Variants in OPCML observed in about 807,000 individuals in gnomAD.
OPCML encodes opioid-binding protein/cell adhesion molecule.
OPCML carries 13 observed loss-of-function variants against 37.8 expected under a neutral mutation model. The observed-to-expected ratio is 0.34, with a 90% CI of 0.22 to 0.55. The LOEUF (loss-of-function observed/expected upper bound fraction) is 0.55. Ranked by LOEUF, OPCML falls within the 20% of genes least tolerant of loss-of-function variation. OPCML has a pLI of 0.91. For synonymous variants in OPCML, 176 were observed against 168.8 expected, an observed-to-expected ratio of 1.04 and a Z score of -0.33; for missense variants, 341 against 435.6, an observed-to-expected ratio of 0.78 and a Z score of 1.93.
chr11:133,329,784 A>G (rs983864021), intron 1 of OPCML, among the ~76,000 whole-genome samples: 1 of 152,244 alleles, frequency 6.6e-6, no homozygotes, highest in African/African-American at 2.4e-5. Flanking sequence ...ATGGGCAAGG[A>G]CTTCATGTCT....
At chr11:132,599,357 G>C (rs1467283875) in intron 3 of OPCML, among the ~76,000 whole-genome samples, 1 of 127,776 alleles carries the variant, frequency 7.8e-6, no homozygotes, top group East Asian at 2.6e-4. Flanking sequence ...GAAGAAGGAG[G>C]AGAAGGAGGA....
At chr11:133,077,189 G>A (rs894729554) in intron 1 of OPCML, among the ~76,000 whole-genome samples, 5 of 151,842 alleles carry the variant, frequency 3.3e-5, no homozygotes, top group Admixed American at 3.3e-4. Flanking sequence ...AACCCTGCCT[G>A]GATATCAGGA....
At chr11:132,925,368 T>G (rs1451681669) in intron 2 of OPCML, among the ~76,000 whole-genome samples, 1 of 152,232 alleles carries the variant, frequency 6.6e-6, no homozygotes, top group Non-Finnish European at 1.5e-5. Context: ...GGATAGGTTC[T>G]GGTTTAAACA....
chr11:133,217,464 T>A (rs974591704), intron 1 of OPCML, among the ~76,000 whole-genome samples: 3 of 152,172 alleles, frequency 2.0e-5, no homozygotes, highest in African/African-American at 7.2e-5. Context: ...GCACCCACGG[T>A]GTGCTCAGGA....
chr11:133,220,412 C>T (rs1939766886), intron 1 of OPCML, among the ~76,000 whole-genome samples: 1 of 152,140 alleles, frequency 6.6e-6, no homozygotes, highest in Non-Finnish European at 1.5e-5. Context: ...TCTGCTATTC[C>T]ACATGAAGGC....
chr11:132,546,949 G>C (rs2096370116), intron 3 of OPCML, among the ~76,000 whole-genome samples: 1 of 152,220 alleles, frequency 6.6e-6, no homozygotes, highest in African/African-American at 2.4e-5. Flanking sequence ...CACTGCTGTA[G>C]ACAGAGAACA....
chr11:132,508,468 A>T (rs1565622942), intron 4 of OPCML, among the ~76,000 whole-genome samples: 2 of 141,890 alleles, frequency 1.4e-5, no homozygotes, highest in African/African-American at 5.0e-5. Flanking sequence ...TGCCAAAAAA[A>T]ACATTGGACA....
intron 1 of OPCML, among the ~76,000 whole-genome samples, chr11:133,070,495 G>C (rs1035828850): frequency 6.6e-5 from 10 of 152,188 alleles, no homozygotes; most frequent in Admixed American, 2.0e-4. Context: ...GTGATGGCCA[G>C]AGGCGGGCCC....
chr11:132,485,722 T>G (rs2096197704), intron 4 of OPCML, among the ~76,000 whole-genome samples: 1 of 152,268 alleles, frequency 6.6e-6, no homozygotes, highest in Non-Finnish European at 1.5e-5. Flanking sequence ...ATGTTGTATA[T>G]AAAACTGCGT....
At chr11:133,088,204 T>C (rs75711480) in intron 1 of OPCML, among the ~76,000 whole-genome samples, 1,729 of 149,010 alleles carry the variant, frequency 0.012, 35 homozygotes, top group African/African-American at 0.041. Flanking sequence ...ATGAACCTTT[T>C]ACATGGGAGA....
At chr11:133,234,235 A>G (rs1940414391) in intron 1 of OPCML, among the ~76,000 whole-genome samples, 2 of 152,188 alleles carry the variant, frequency 1.3e-5, no homozygotes, top group African/African-American at 2.4e-5. Context: ...AAAAAGAAAC[A>G]AAAAGCAAAA....
intron 1 of OPCML, among the ~76,000 whole-genome samples, chr11:133,023,235 T>C (rs886871996): frequency 3.9e-5 from 6 of 152,184 alleles, no homozygotes; most frequent in African/African-American, 1.4e-4. Context: ...CCTGTAATTA[T>C]CTGCTTAAAA....
In OPCML at chr11:132,978,746, C is replaced by A. The variant is rs111229356; in HGVS notation, c.62-35736G>T. Among the ~76,000 whole-genome samples the A allele has an allele frequency of 5.4e-3, 825 of 152,244 alleles. 5 individuals are homozygous for A. The highest frequency in any genetic ancestry group is 0.019 in the African/African-American group (795 of 41,540). On this transcript the variant is annotated intron_variant, in intron 1 of 7. Coordinates refer to ENST00000524381, the MANE Select transcript of OPCML (RefSeq NM_001012393.5). Reference sequence around the variant, plus strand: ...ACTCTTATGGCTTTAAATATAATTGCTATGCTAATGACTCAAATACATTTG... The same window carrying A: ...ACTCTTATGGCTTTAAATATAATTGATATGCTAATGACTCAAATACATTTG...
At chr11:132,782,496 G>C (rs1947065699) in intron 2 of OPCML, among the ~76,000 whole-genome samples, 1 of 152,214 alleles carries the variant, frequency 6.6e-6, no homozygotes, top group Admixed American at 6.5e-5. Context: ...GCTAATTCTG[G>C]AAAGGCATTT....
intron 4 of OPCML, among the ~76,000 whole-genome samples, chr11:132,457,359 A>G (rs74554075): frequency 2.1e-3 from 327 of 152,330 alleles, no homozygotes; most frequent in African/African-American, 7.3e-3. Flanking sequence ...AGACGCTTAC[A>G]ATAGAGTTGT....
intron 1 of OPCML, among the ~76,000 whole-genome samples, chr11:133,245,563 C>T (rs1940890604): frequency 6.6e-6 from 1 of 152,170 alleles, no homozygotes; most frequent in Admixed American, 6.5e-5. Context: ...TGAGTTAAGG[C>T]CTTCCTGAGA....
chr11:133,159,593 C>T (rs957587439), intron 1 of OPCML, among the ~76,000 whole-genome samples: 3 of 152,188 alleles, frequency 2.0e-5, no homozygotes, highest in Admixed American at 1.3e-4. Context: ...GCAAGTCATG[C>T]GGCCAATCTT....
chr11:132,678,406 G>A (rs1942802038), intron 2 of OPCML, among the ~76,000 whole-genome samples: 1 of 152,152 alleles, frequency 6.6e-6, no homozygotes, highest in Non-Finnish European at 1.5e-5. Context: ...TTTTTCTAAA[G>A]GAGTTGAAAG....
chr11:133,233,442 G>A (rs150198023), intron 1 of OPCML, among the ~76,000 whole-genome samples: 127 of 152,242 alleles, frequency 8.3e-4, no homozygotes, highest in African/African-American at 3.1e-3. Context: ...CCTGTTACTG[G>A]GGATGGAGAG....
Sources: allele counts gnomAD v4.1 joint callset (sites outside exome capture counted in the v4.1 genomes callset), GRCh38; gene constraint gnomAD v4.1.1; transcripts MANE v1.5; gene names NCBI Gene and HGNC (gene_info 2026-07-23, HGNC 2026-07-21).